The following RASSF8 variants were observed in gnomAD, a reference collection of about 807,000 sequenced individuals.
RASSF8 encodes Ras association domain family member 8.
Under a neutral mutation model 48.5 loss-of-function variants are expected in RASSF8, and 22 were observed. The ratio of observed to expected loss-of-function variants is 0.45; its 90% CI spans 0.32 to 0.65. RASSF8 has a LOEUF of 0.65. Ranked by LOEUF, RASSF8 falls within the 30% of genes least tolerant of loss-of-function variation. The pLI is 0.03. For synonymous variants in RASSF8, 127 were observed against 171.5 expected (o/e 0.74, Z 2.03); for missense variants, 418 against 489.2 (o/e 0.85, Z 1.37).
intron 2 of RASSF8, among the ~76,000 whole-genome samples, chr12:26,051,676 T>C (rs1760207944): frequency 6.6e-6 from 1 of 152,210 alleles, no homozygotes; most frequent in Non-Finnish European, 1.5e-5. Flanking sequence ...TTAAAACCTC[T>C]GGGTATGAGA....
intron 2 of RASSF8, among the ~76,000 whole-genome samples, chr12:26,025,638 A>G (rs1942895336): frequency 6.6e-6 from 1 of 151,942 alleles, no homozygotes; most frequent in Non-Finnish European, 1.5e-5. Context: ...ACTACCTTGC[A>G]TATGGAAAAA....
Position 26,059,013 on chromosome 12 carries a change from T to C in RASSF8, c.103+3567T>C, listed in dbSNP as rs192008697. 2.6e-5 allele frequency among the ~76,000 whole-genome samples: 4 copies of C among 152,366 alleles called. No individual in the cohort carries two copies. In the East Asian group the frequency reaches 7.7e-4, roughly 29 times the overall value. On this transcript the variant is annotated intron_variant, in intron 3 of 5. Coordinates refer to ENST00000689635, the MANE Select transcript of RASSF8 (RefSeq NM_001394098.1). Reference sequence around the variant, plus strand: ...CATTCCCAATTTAAATGTTCTACTTTGTTTCCCCTGTAAAATATCTCAGAA... The same window carrying C: ...CATTCCCAATTTAAATGTTCTACTTCGTTTCCCCTGTAAAATATCTCAGAA...
chr12:26,048,763 G>GT (rs145889885), intron 2 of RASSF8, among the ~76,000 whole-genome samples: 12,144 of 151,086 alleles, frequency 0.08, 940 homozygotes, highest in East Asian at 0.33. Flanking sequence ...GTTTTGTTTT[G>GT]TTTTTTTCAG....
chr12:25,975,501 A>C (rs1941584210), intron 1 of RASSF8, among the ~76,000 whole-genome samples: 1 of 152,260 alleles, frequency 6.6e-6, no homozygotes, highest in African/African-American at 2.4e-5. Context: ...ACCTGGGTTC[A>C]GCATACTGCT....
intron 1 of RASSF8, among the ~76,000 whole-genome samples, chr12:25,966,252 T>G (rs1353453179): frequency 1.3e-5 from 2 of 152,172 alleles, no homozygotes; most frequent in African/African-American, 2.4e-5. Context: ...TTTTTAAAAT[T>G]TTTATTTTTT....
intron 1 of RASSF8, among the ~76,000 whole-genome samples, chr12:25,966,702 A>T (rs955280709): frequency 6.6e-6 from 1 of 152,234 alleles, no homozygotes; most frequent in South Asian, 2.1e-4. Context: ...CATCAAATAT[A>T]TGCTTTGCAA....
intron 1 of RASSF8, among the ~76,000 whole-genome samples, chr12:25,982,568 A>G (rs770610637): frequency 1.1e-4 from 17 of 152,336 alleles, no homozygotes; most frequent in Non-Finnish European, 2.1e-4. Flanking sequence ...AAGACCAAAC[A>G]TTGGCCTGAA....
intron 2 of RASSF8, among the ~76,000 whole-genome samples, chr12:26,048,873 CCTCCCTAGTAG>C (rs1474274156): frequency 1.3e-5 from 2 of 152,146 alleles, no homozygotes; most frequent in African/African-American, 4.8e-5. Flanking sequence ...CCTGCCTCAG[CCTCCCTAGTAG>C]CTGGGATTAC....
intron 2 of RASSF8, among the ~76,000 whole-genome samples, chr12:26,044,823 T>G (rs540282999): frequency 9.2e-5 from 14 of 152,252 alleles, no homozygotes; most frequent in African/African-American, 3.1e-4. Context: ...AGCCCAAAAC[T>G]TTCCCAATTA....
rs572890193 is a variant in RASSF8, at chr12:26,069,757, G to A, written c.*939G>A. On this transcript the variant is annotated 3_prime_UTR_variant, in exon 6 of 6. Transcript: ENST00000689635. ...TAAGTGATGTATTTTAAAATAACCC[G>A]CTTCATATGTATGATCTGTTGGTGT... The A allele has an allele frequency of 8.1e-6, 8 of 985,104 alleles. No individual in the cohort carries two copies. The highest frequency in any genetic ancestry group is 1.1e-4 in the East Asian group (1 of 8,816). The allele number at this position is 985,104 out of a possible 1,614,324, so 61.0% of individuals were successfully genotyped here. A position where few individuals can be genotyped will look rare whatever the true frequency, so the allele number is the denominator to read the frequency against.
At chr12:26,031,928 T>C (rs2137112448) in intron 2 of RASSF8, among the ~76,000 whole-genome samples, 1 of 152,332 alleles carries the variant, frequency 6.6e-6, no homozygotes. Flanking sequence ...ATATCCTGTT[T>C]CTCATCATCA....
rs191425337 is a variant in RASSF8 at position 26,011,156 on chromosome 12, C to G, written c.-109+16026C>G. Among the ~76,000 whole-genome samples, 516 of 152,298 alleles carry G rather than the reference C, an allele frequency of 3.4e-3. 6 individuals carry two copies. The highest frequency in any genetic ancestry group is 0.012 in the African/African-American group (480 of 41,554). ...CGTCTACAGCATCTGGAAAATAATT[C>G]TCAAGGCATAAGTTTATATTGCAGT... On this transcript the variant is annotated intron_variant, in intron 2 of 5. Coordinates refer to ENST00000689635, the MANE Select transcript of RASSF8 (RefSeq NM_001394098.1).
intron 4 of RASSF8, among the ~76,000 whole-genome samples, chr12:26,067,126 G>C (rs988339552): frequency 6.6e-6 from 1 of 152,186 alleles, no homozygotes; most frequent in Admixed American, 6.5e-5. Flanking sequence ...AATATGAAGT[G>C]GTTAATATGT....
intron 2 of RASSF8, among the ~76,000 whole-genome samples, chr12:26,049,536 A>G (rs765799951): frequency 4.6e-5 from 7 of 152,196 alleles, no homozygotes; most frequent in African/African-American, 7.2e-5. Context: ...AAGATTTCCA[A>G]TGCTGTTTTA....
At chr12:26,076,304 T>C (rs890750934), downstream of RASSF8, among the ~76,000 whole-genome samples, 21 of 152,034 alleles carry the variant, frequency 1.4e-4, no homozygotes, top group African/African-American at 5.1e-4. Context: ...CTAGGGTACA[T>C]GTGCACAACG....
At chr12:25,960,433 A>G (rs1347027199) in intron 1 of RASSF8, among the ~76,000 whole-genome samples, 2 of 152,106 alleles carry the variant, frequency 1.3e-5, no homozygotes, top group Non-Finnish European at 2.9e-5. Context: ...AGACAGCACT[A>G]TCATTTGGGG....
chr12:26,056,995 G>A lies in RASSF8; in HGVS notation c.103+1549G>A, dbSNP rs1294186118. Among the ~76,000 whole-genome samples the A allele has an allele frequency of 2.0e-5, 3 of 151,120 alleles. No individual in the cohort carries two copies. In the East Asian group the frequency reaches 5.8e-4, roughly 29 times the overall value. On this transcript the variant is annotated intron_variant, in intron 3 of 5. Coordinates refer to ENST00000689635, the MANE Select transcript of RASSF8 (RefSeq NM_001394098.1). The stretch of plus-strand genomic sequence containing the variant: ...ACCTGGCTTTCCTTGTTATATTTGG[G>A]AATTAAGCCATGGACAGTGCTAAAA...
chr12:26,014,324 C>A (rs1392059884), intron 2 of RASSF8, among the ~76,000 whole-genome samples: 1 of 152,196 alleles, frequency 6.6e-6, no homozygotes, highest in East Asian at 1.9e-4. Context: ...ACATTCTTGG[C>A]ATGTACAGTC....
downstream of RASSF8, among the ~76,000 whole-genome samples, chr12:26,073,831 CA>C (rs1421720363): frequency 4.3e-4 from 54 of 126,452 alleles, no homozygotes; most frequent in African/African-American, 1.7e-3. Context: ...TACACACACA[CA>C]CACACACACA....
Sources: allele counts gnomAD v4.1 joint callset (sites outside exome capture counted in the v4.1 genomes callset), GRCh38; gene constraint gnomAD v4.1.1; transcripts MANE v1.5; gene names NCBI Gene and HGNC (gene_info 2026-07-23, HGNC 2026-07-21).